Variants in HSPA4L observed in about 807,000 individuals in gnomAD.
The protein encoded by HSPA4L is heat shock protein family A (Hsp70) member 4 like, also known as heat shock 70 kDa protein 4L.
In HSPA4L, 48 loss-of-function variants were observed where a neutral mutation model predicts 100.3. That is an observed-to-expected ratio of 0.48 (90% confidence interval 0.38 to 0.61). HSPA4L has a LOEUF of 0.61. HSPA4L is among the 20% of genes least tolerant of loss of function. HSPA4L has a pLI of 0.00. For synonymous variants in HSPA4L, 319 were observed against 328.2 expected (o/e 0.97, Z 0.30); for missense variants, 886 against 988.6 (o/e 0.90, Z 1.39).
chr4:127,790,376 A>T (rs1732840066), intron 1 of HSPA4L, among the ~76,000 whole-genome samples: 1 of 152,200 alleles, frequency 6.6e-6, no homozygotes, highest in Admixed American at 6.5e-5. Context: ...TCTCTAATAG[A>T]TGAGTTTTAG....
chr4:127,832,628 A>G (rs1734111168), intron 18 of HSPA4L, 55 bp from the exon 19 acceptor site: 23 of 1,373,694 alleles, frequency 1.7e-5, no homozygotes, highest in Non-Finnish European at 2.2e-5. Flanking sequence ...TTAGAAAGTT[A>G]ATGGTAACTT....
chr4:127,805,842 C>A, intron 10 of HSPA4L, 49 bp downstream of exon 10: 2 of 1,227,372 alleles, frequency 1.6e-6, no homozygotes, highest in South Asian at 1.4e-5. Context: ...AATCTTTACC[C>A]AGTTAAACCT....
At position 127,823,584 on chromosome 4, in the gene HSPA4L, A is replaced by G. The variant is rs1052485217; in HGVS notation, c.2006A>G (p.Gln669Arg). ...ENWLYEDGEDQPKQVYVDKLQ... is the reference protein window; with the variant it reads ...ENWLYEDGEDRPKQVYVDKLQ... ...TGGCTTTATGAAGACGGAGAGGACC[A>G]ACCTAAACAAGTTTATGTGGATAAG... is the stretch of plus-strand genomic sequence containing the variant. The change falls in exon 16 of 19, where the codon CAA becomes CGA. Residue 669 changes from glutamine to arginine, a missense_variant. Gln to Arg is a conservative substitution (Grantham distance 43). Coordinates refer to ENST00000296464, the MANE Select transcript of HSPA4L (RefSeq NM_014278.4). 3 of 1,613,716 alleles carry G rather than the reference A, an allele frequency of 1.9e-6. No homozygotes were observed. The highest frequency in any genetic ancestry group is 2.5e-6 in the Non-Finnish European group (3 of 1,179,620).
At chr4:127,787,693 C>G (rs1237969196) in intron 1 of HSPA4L, among the ~76,000 whole-genome samples, 1 of 152,134 alleles carries the variant, frequency 6.6e-6, no homozygotes, top group African/African-American at 2.4e-5. Context: ...CCCATTGATA[C>G]AGTGACTGTT....
intron 16 of HSPA4L, among the ~76,000 whole-genome samples, chr4:127,823,842 T>C (rs1251754638): frequency 6.6e-6 from 1 of 152,172 alleles, no homozygotes; most frequent in Non-Finnish European, 1.5e-5. Flanking sequence ...ATTTCTTTCT[T>C]TGGGGGGGAG....
At chr4:127,797,828 C>G (rs183323433) in intron 3 of HSPA4L, among the ~76,000 whole-genome samples, 30 of 152,124 alleles carry the variant, frequency 2.0e-4, no homozygotes, top group African/African-American at 7.0e-4. Flanking sequence ...GTCTTGATCT[C>G]CTGACCTCAT....
chr4:127,788,477 C>A (rs1231587443), intron 1 of HSPA4L, among the ~76,000 whole-genome samples: 1 of 152,138 alleles, frequency 6.6e-6, no homozygotes, highest in African/African-American at 2.4e-5. Context: ...CAGATGTTTT[C>A]TTTGCTGTAG....
chr4:127,812,132 G>C (rs550284182), intron 12 of HSPA4L, among the ~76,000 whole-genome samples: 4 of 151,896 alleles, frequency 2.6e-5, no homozygotes, highest in Non-Finnish European at 5.9e-5. Flanking sequence ...ATTTTTGGCC[G>C]GGCGCAGTAG....
At chr4:127,820,332 CAG>C (rs1733774448) in intron 13 of HSPA4L, 94 bp from the exon 14 acceptor site, 8 of 1,002,194 alleles carry the variant, frequency 8.0e-6, no homozygotes, top group African/African-American at 1.7e-5. Context: ...ATAAATATAA[CAG>C]ATCATAATCG....
At chr4:127,830,102 C>G in intron 17 of HSPA4L, among the ~76,000 whole-genome samples, 1 of 152,074 alleles carries the variant, frequency 6.6e-6, no homozygotes, top group East Asian at 1.9e-4. Context: ...TGTGTCCAAA[C>G]TAATCCATCA....
chr4:127,789,573 G>T lies in HSPA4L; in HGVS notation c.108-4504G>T, dbSNP rs574767057. 3.1e-3 allele frequency among the ~76,000 whole-genome samples: 473 copies of T among 152,134 alleles called. 4 individuals carry two copies. Among genetic ancestry groups the T allele is most frequent in the African/African-American group, 0.011 (457 of 41,502 alleles). ...TGAGGCAGGAGAATGGCGTGAACCC[G>T]GGAGGTGGAGGTTGCAGTGAGCTGA... On this transcript the variant is annotated intron_variant, in intron 1 of 18. Coordinates refer to ENST00000296464, the MANE Select transcript of HSPA4L (RefSeq NM_014278.4).
chr4:127,802,612 C>T (rs184099258), intron 6 of HSPA4L, among the ~76,000 whole-genome samples: 15 of 152,194 alleles, frequency 9.9e-5, no homozygotes, highest in East Asian at 3.9e-4. Flanking sequence ...TTAAAAAGAA[C>T]GTTTTTTTCC....
chr4:127,782,062 G>A (rs1452202362), upstream of HSPA4L: 2 of 455,288 alleles, frequency 4.4e-6, no homozygotes, highest in Non-Finnish European at 8.8e-6. Flanking sequence ...GCAAGCCAAT[G>A]TGCCTAGCCT....
Position 127,794,094 on chromosome 4 carries a change from G to C in HSPA4L, c.125G>C (p.Gly42Ala). The change falls in exon 2 of 19, where the codon GGA becomes GCA. Residue 42 changes from glycine to alanine, a missense_variant. By Grantham distance (60) the Gly-to-Ala change is moderately conservative. Coordinates refer to ENST00000296464, the MANE Select transcript of HSPA4L (RefSeq NM_014278.4). ...TGGTTTAGGGCCTGTATATCATTGGGATCAAGAACTCGAGCCATTGGAAAT... is the reference window on the plus strand; with the variant it reads ...TGGTTTAGGGCCTGTATATCATTGGCATCAAGAACTCGAGCCATTGGAAAT... The part of the protein sequence containing the change: ...DRCTPACISL[G>A]SRTRAIGNAA... 6.2e-7 allele frequency: 1 copy of C among 1,610,218 alleles called. No individual in the cohort carries two copies.
At position 127,833,122 on chromosome 4, in the gene HSPA4L, A is replaced by C. The variant is rs1392232825; in HGVS notation, c.*248A>C. ...CTTTCCGGATAATTTTATATATCAA[A>C]CATACAGGATGGATACATAGTTGGC... On this transcript the variant is annotated 3_prime_UTR_variant, in exon 19 of 19. Coordinates refer to ENST00000296464, the MANE Select transcript of HSPA4L (RefSeq NM_014278.4). The C allele has an allele frequency of 9.1e-6, 3 of 329,770 alleles. No homozygotes were observed. Among genetic ancestry groups the C allele is most frequent in the Non-Finnish European group, 1.6e-5 (3 of 183,142 alleles). The allele number at this position is 329,770 out of a possible 1,614,324, so 20.4% of individuals were successfully genotyped here. A position where few individuals can be genotyped will look rare whatever the true frequency, so the allele number is the denominator to read the frequency against.
chr4:127,807,910 T>C, intron 10 of HSPA4L, 86 bp from the exon 11 acceptor site: 1 of 1,326,798 alleles, frequency 7.5e-7, no homozygotes, highest in Non-Finnish European at 1.0e-6. Flanking sequence ...TTGCTGCTAA[T>C]GAATTAAGAA....
chr4:127,820,198 G>A (rs534129808), intron 13 of HSPA4L, among the ~76,000 whole-genome samples: 1 of 151,986 alleles, frequency 6.6e-6, no homozygotes, highest in East Asian at 1.9e-4. Context: ...CACTGTAATG[G>A]GTGAGAAGTA....
chr4:127,832,967 T>G lies in HSPA4L; in HGVS notation c.*93T>G. 1.1e-6 allele frequency: 1 copy of G among 873,114 alleles called. No homozygotes were observed. The highest frequency in any genetic ancestry group is 1.7e-6 in the Non-Finnish European group (1 of 596,308). 54.1% of individuals were successfully genotyped at this position (873,114 alleles called of 1,614,324 possible). A position where few individuals can be genotyped will look rare whatever the true frequency, so the allele number is the denominator to read the frequency against. On this transcript the variant is annotated 3_prime_UTR_variant, in exon 19 of 19. Coordinates refer to ENST00000296464, the MANE Select transcript of HSPA4L (RefSeq NM_014278.4). ...GTACACACAACAGACGCTCAGTTGT[T>G]CTTAACCACTTTTGTCATTTGTTTT...
intron 16 of HSPA4L, among the ~76,000 whole-genome samples, chr4:127,824,400 G>A (rs56792541): frequency 0.019 from 2,864 of 152,172 alleles, 89 homozygotes; most frequent in African/African-American, 0.064. Context: ...GTAAGTATGT[G>A]AAAAATTACT....
Sources: gnomAD v4.1 joint callset for allele counts (sites outside exome capture counted in the v4.1 genomes callset) on GRCh38, gnomAD v4.1.1 for gene constraint, MANE v1.5 for transcripts, NCBI Gene and HGNC (gene_info 2026-07-23, HGNC 2026-07-21) for gene names.